The following COMMD10 variants were observed in gnomAD, a reference collection of about 807,000 sequenced individuals.
COMMD10 encodes the protein COMM domain containing 10.
A neutral mutation model predicts 28.9 loss-of-function variants in COMMD10; 33 were observed. The ratio of observed to expected loss-of-function variants is 1.14; its 90% CI spans 0.87 to 1.53. The LOEUF (loss-of-function observed/expected upper bound fraction) is 1.53. COMMD10 is among the 40% of genes most tolerant of loss of function. The pLI is 0.00. For missense variants in COMMD10, 310 were observed against 233.4 expected (o/e 1.33, Z -2.14); for synonymous variants, 110 against 81.7 (o/e 1.35, Z -1.87).
chr5:116,105,065 C>G (rs948361219), intron 4 of COMMD10, among the ~76,000 whole-genome samples: 1 of 152,186 alleles, frequency 6.6e-6, no homozygotes, highest in East Asian at 1.9e-4. Flanking sequence ...CCAGTTTTTG[C>G]CCATACAGTA....
At chr5:116,213,160 A>C (rs907068608) in intron 5 of COMMD10, among the ~76,000 whole-genome samples, 1 of 152,072 alleles carries the variant, frequency 6.6e-6, no homozygotes, top group African/African-American at 2.4e-5. Context: ...GTATGAAAAA[A>C]CAGTCTTCCC....
chr5:116,226,118 A>G (rs1252213126), intron 5 of COMMD10, among the ~76,000 whole-genome samples: 1 of 151,864 alleles, frequency 6.6e-6, no homozygotes, highest in Admixed American at 6.6e-5. Context: ...TACCCCTTCT[A>G]GTTTTCAAAA....
chr5:116,238,142 A>G (rs1168266815), intron 5 of COMMD10, among the ~76,000 whole-genome samples: 1 of 152,180 alleles, frequency 6.6e-6, no homozygotes, highest in Non-Finnish European at 1.5e-5. Flanking sequence ...ACCAATATGA[A>G]AGGCTACTTC....
intron 4 of COMMD10, among the ~76,000 whole-genome samples, chr5:116,119,391 G>A (rs1367120524): frequency 2.0e-5 from 3 of 152,224 alleles, no homozygotes; most frequent in Non-Finnish European, 4.4e-5. Flanking sequence ...GTGCCAAAAT[G>A]AATGTGTTGG....
chr5:116,136,389 CCTTT>C (rs1752025555), intron 5 of COMMD10, among the ~76,000 whole-genome samples: 1 of 152,136 alleles, frequency 6.6e-6, no homozygotes, highest in South Asian at 2.1e-4. Flanking sequence ...CTATATACTT[CCTTT>C]GTTTTATTTT....
At chr5:116,234,729 G>A (rs1000523156) in intron 5 of COMMD10, among the ~76,000 whole-genome samples, 15 of 152,184 alleles carry the variant, frequency 9.9e-5, no homozygotes, top group African/African-American at 2.4e-4. Flanking sequence ...AATAGTACTC[G>A]TTCTAAAAAC....
Position 116,085,058 on chromosome 5 carries a change from G to T in COMMD10, c.6G>T (p.Ala2=). 6.2e-7 allele frequency: 1 copy of T among 1,609,046 alleles called. No homozygotes were observed. The highest frequency in any genetic ancestry group is 8.5e-7 in the Non-Finnish European group (1 of 1,178,778). The change falls in exon 1 of 7, where the codon GCG becomes GCT. Residue 2 remains alanine, a synonymous_variant. Transcript: ENST00000274458. ...GCAGTGCGAGAAAGCCGAAGATGGC[G>T]GTCCCCGCGGCGCTGATCCTACGGG... M[A]VPAALILRES...
intron 5 of COMMD10, among the ~76,000 whole-genome samples, chr5:116,203,704 A>G (rs56327109): frequency 0.082 from 12,548 of 152,098 alleles, 1,013 homozygotes; most frequent in African/African-American, 0.2. Context: ...AGATTTTGTC[A>G]CCACCAGGCC....
chr5:116,223,791 G>A (rs1349970660), intron 5 of COMMD10, among the ~76,000 whole-genome samples: 3 of 152,152 alleles, frequency 2.0e-5, no homozygotes, highest in Non-Finnish European at 4.4e-5. Context: ...GAGAAGAGGT[G>A]AAGCCAGACT....
At chr5:116,113,183 G>C (rs1364115340) in intron 4 of COMMD10, among the ~76,000 whole-genome samples, 2 of 152,088 alleles carry the variant, frequency 1.3e-5, no homozygotes, top group Non-Finnish European at 2.9e-5. Flanking sequence ...TGGGTAGTCT[G>C]CTGTTAGTTT....
chr5:116,187,333 T>A (rs1269654064), intron 5 of COMMD10, among the ~76,000 whole-genome samples: 2 of 152,156 alleles, frequency 1.3e-5, no homozygotes, highest in African/African-American at 2.4e-5. Flanking sequence ...GGCAGTGTAT[T>A]TGTTTTGTGA....
In COMMD10 at chr5:116,286,530, C is replaced by G. The variant is rs534528646; in HGVS notation, c.511-4987C>G. 3.3e-5 allele frequency among the ~76,000 whole-genome samples: 5 copies of G among 151,544 alleles called. No homozygotes were observed. In the South Asian group the frequency reaches 1.0e-3, roughly 31 times the overall value. On this transcript the variant is annotated intron_variant, in intron 5 of 6. Transcript: ENST00000274458. ...ACTTAACCCTTTAACACTAGTTTCA[C>G]TCCATCCCAAAATTTTGGCATGTTG...
chr5:116,233,615 G>A (rs1422500), intron 5 of COMMD10, among the ~76,000 whole-genome samples: 11,113 of 152,238 alleles, frequency 0.073, 481 homozygotes, highest in Admixed American at 0.13. Context: ...CACTGATAAG[G>A]TGACACTTGA....
intron 5 of COMMD10, among the ~76,000 whole-genome samples, chr5:116,223,382 G>T (rs1749315142): frequency 6.6e-6 from 1 of 151,890 alleles, no homozygotes; most frequent in South Asian, 2.1e-4. Context: ...TAAGGATATG[G>T]CTATCTATAT....
intron 5 of COMMD10, among the ~76,000 whole-genome samples, chr5:116,172,329 G>A (rs913778196): frequency 1.3e-5 from 2 of 152,094 alleles, no homozygotes; most frequent in Non-Finnish European, 2.9e-5. Flanking sequence ...GAGGGAAGGA[G>A]TACTCAGACA....
intron 5 of COMMD10, among the ~76,000 whole-genome samples, chr5:116,246,807 C>T (rs1424491702): frequency 2.0e-5 from 3 of 151,966 alleles, no homozygotes; most frequent in East Asian, 3.8e-4. Context: ...GAAACTGGAC[C>T]GTTTCCTTAC....
At chr5:116,244,328 A>G (rs1256690493) in intron 5 of COMMD10, among the ~76,000 whole-genome samples, 1 of 152,118 alleles carries the variant, frequency 6.6e-6, no homozygotes, top group African/African-American at 2.4e-5. Flanking sequence ...TAAACACAGT[A>G]ACAAATTTTC....
At chr5:116,279,786 A>T (rs1371115756) in intron 5 of COMMD10, among the ~76,000 whole-genome samples, 2 of 151,842 alleles carry the variant, frequency 1.3e-5, no homozygotes, top group Non-Finnish European at 2.9e-5. Context: ...AAGAGATTTG[A>T]TTACATTTTT....
chr5:116,218,155 C>G lies in COMMD10; in HGVS notation c.511-73362C>G. On this transcript the variant is annotated intron_variant, in intron 5 of 6. Transcript: ENST00000274458. ...TCCCTTTGGGTACCTTCTCTCCCTT[C>G]TTTGCAGGGGCCTTTTTAGGCCTGG... The G allele has an allele frequency of 4.0e-6, 4 of 1,004,508 alleles. No homozygotes were observed. The South Asian group carries it at 5.1e-5, about 13-fold the overall frequency. 62.2% of individuals were successfully genotyped at this position (1,004,508 alleles called of 1,614,324 possible).
Sources: gnomAD v4.1 joint callset for allele counts (sites outside exome capture counted in the v4.1 genomes callset) on GRCh38, gnomAD v4.1.1 for gene constraint, MANE v1.5 for transcripts, NCBI Gene and HGNC (gene_info 2026-07-23, HGNC 2026-07-21) for gene names.